LINC00237: variants seen among roughly 807,000 people sequenced by gnomAD.
LINC00237 encodes the protein long intergenic non-protein coding RNA 237.
chr20:21,104,563 G>C (rs2030973359), intron 1 of LINC00237, among the ~76,000 whole-genome samples: 1 of 152,244 alleles, frequency 6.6e-6, no homozygotes, highest in Non-Finnish European at 1.5e-5. Flanking sequence ...AACCAGGTCT[G>C]CAGCCGCTGG....
intron 2 of LINC00237, among the ~76,000 whole-genome samples, chr20:21,092,548 T>C (rs1325882420): frequency 1.3e-5 from 2 of 152,224 alleles, no homozygotes; most frequent in Non-Finnish European, 2.9e-5. Context: ...ATCTGTTATT[T>C]CAATGATTAA....
chr20:21,086,812 AGTATACATATAT>A (rs2030714356), intron 3 of LINC00237, among the ~76,000 whole-genome samples: 1 of 124,686 alleles, frequency 8.0e-6, no homozygotes, highest in African/African-American at 3.2e-5. Context: ...ATATATGTAT[AGTATACATATAT>A]AGTGTATACT....
intron 3 of LINC00237, among the ~76,000 whole-genome samples, chr20:21,086,681 C>CTATATATAGTATACTA (rs1568883469): frequency 0.052 from 267 of 5,160 alleles, 9 homozygotes; most frequent in African/African-American, 0.066. Context: ...ATATAGTATA[C>CTATATATAGTATACTA]TACATATACA....
rs1448298000 is a variant in LINC00237, at chr20:21,101,794, C to T, written n.88+4477G>A. Among the ~76,000 whole-genome samples the T allele has an allele frequency of 6.6e-6, 1 of 152,216 alleles. No individual in the cohort carries two copies. The highest frequency in any genetic ancestry group is 1.5e-5 in the Non-Finnish European group (1 of 68,054). ...AAGAAAGGTTTCCTCGGCTGCGCCA[C>T]CGTGGGGATGGAGGTGGGAGTTGGA... On this transcript the variant is annotated intron_variant and non_coding_transcript_variant, in intron 1 of 3. Coordinates refer to ENST00000691244, the Ensembl canonical transcript of LINC00237. This position sits in a 1 kb window ranked among gnomAD's most constrained non-coding sequence, Gnocchi z 4.3.
intron 1 of LINC00237, among the ~76,000 whole-genome samples, chr20:21,098,887 C>T (rs189012924): frequency 6.6e-6 from 1 of 152,360 alleles, no homozygotes; most frequent in East Asian, 1.9e-4. Flanking sequence ...TCCCGAGTCT[C>T]ATTCAAGATC....
intron 2 of LINC00237, chr20:21,092,688 T>A (rs2030808382): frequency 6.6e-6 from 1 of 152,210 alleles, no homozygotes; most frequent in South Asian, 2.1e-4. Context: ...CTTCCCGATC[T>A]TTAGGAGTTG....
intron 2 of LINC00237, chr20:21,089,831 G>C (rs1315247857): frequency 1.3e-5 from 2 of 152,210 alleles, no homozygotes; most frequent in African/African-American, 4.8e-5. Flanking sequence ...AAGGCGTCTA[G>C]ATTTGGGCTT....
intron 1 of LINC00237, among the ~76,000 whole-genome samples, chr20:21,096,688 G>T (rs1421859646): frequency 1.3e-5 from 2 of 152,088 alleles, no homozygotes; most frequent in East Asian, 3.8e-4. Flanking sequence ...ACTGCAACAG[G>T]GCTCAAATGT....
Position 21,091,734 on chromosome 20 carries a change from G to A in LINC00237, n.472+1735C>T, listed in dbSNP as rs16982462. Reference sequence around the variant, plus strand: ...CTCTTTAATGAGTTTTCCGCAGCAGGATGTAGAGACACAGATGCCAAGAAA... The same window carrying A: ...CTCTTTAATGAGTTTTCCGCAGCAGAATGTAGAGACACAGATGCCAAGAAA... On this transcript the variant is annotated intron_variant and non_coding_transcript_variant, in intron 2 of 3. Coordinates refer to ENST00000691244, the Ensembl canonical transcript of LINC00237. Among the ~76,000 whole-genome samples the A allele has an allele frequency of 9.4e-3, 1,437 of 152,250 alleles. 19 individuals are homozygous for A. Among genetic ancestry groups the A allele is most frequent in the African/African-American group, 0.033 (1,386 of 41,534 alleles).
At chr20:21,102,455 T>C (rs904322956) in intron 1 of LINC00237, among the ~76,000 whole-genome samples, 7 of 152,098 alleles carry the variant, frequency 4.6e-5, no homozygotes, top group Non-Finnish European at 7.4e-5. Flanking sequence ...TCAGACTAAC[T>C]CGCTCCAGGT....
rs964579040 is a variant in LINC00237 at position 21,101,737 on chromosome 20, G to T, written n.88+4534C>A. Among the ~76,000 whole-genome samples, 27 of 152,276 alleles carry T rather than the reference G, an allele frequency of 1.8e-4. No homozygotes were observed. Among genetic ancestry groups the T allele is most frequent in the Non-Finnish European group, 4.4e-5 (3 of 68,056 alleles). On this transcript the variant is annotated intron_variant and non_coding_transcript_variant, in intron 1 of 3. Coordinates refer to ENST00000691244, the Ensembl canonical transcript of LINC00237. This position sits in a 1 kb window ranked among gnomAD's most constrained non-coding sequence, Gnocchi z 4.3. ...GCCTGCCTCCTGGAAAAGCTGTCAC[G>T]ATTGGGCTTGGGCTTGGGCTTGGCC... is the stretch of plus-strand genomic sequence containing the variant.
At chr20:21,100,482 G>C (rs2030916312) in intron 1 of LINC00237, among the ~76,000 whole-genome samples, 1 of 152,242 alleles carries the variant, frequency 6.6e-6, no homozygotes, top group African/African-American at 2.4e-5. Context: ...GCGCCTCTGC[G>C]CAACTTTCCT....
intron 1 of LINC00237, among the ~76,000 whole-genome samples, chr20:21,102,270 T>C (rs1288842428): frequency 6.6e-6 from 1 of 152,170 alleles, no homozygotes; most frequent in African/African-American, 2.4e-5. Context: ...ACCGACTCCT[T>C]ACCCAGAAAA....
intron 1 of LINC00237, among the ~76,000 whole-genome samples, chr20:21,102,696 G>C (rs373513205): frequency 1.5e-5 from 2 of 130,874 alleles, no homozygotes; most frequent in Non-Finnish European, 3.3e-5. Context: ...TATTTTATAA[G>C]AAAAAAAAAA....
At chr20:21,089,260 C>T (rs1294400714) in intron 2 of LINC00237, among the ~76,000 whole-genome samples, 1 of 151,444 alleles carries the variant, frequency 6.6e-6, no homozygotes, top group Non-Finnish European at 1.5e-5. Flanking sequence ...CAGTGTTGAT[C>T]CTTTGCAAGA....
chr20:21,095,881 A>C (rs1165360164), intron 1 of LINC00237, among the ~76,000 whole-genome samples: 1 of 152,258 alleles, frequency 6.6e-6, no homozygotes, highest in Non-Finnish European at 1.5e-5. Flanking sequence ...TAATGCCAGC[A>C]GAGTAGCCCT....
chr20:21,104,005 C>G (rs2030966599), intron 1 of LINC00237, among the ~76,000 whole-genome samples: 1 of 151,862 alleles, frequency 6.6e-6, no homozygotes, highest in South Asian at 2.1e-4. Flanking sequence ...CTCCCCACCT[C>G]CATGTCATTA....
chr20:21,098,777 G>A (rs866424681), intron 1 of LINC00237, among the ~76,000 whole-genome samples: 1 of 152,200 alleles, frequency 6.6e-6, no homozygotes, highest in Admixed American at 6.5e-5. Flanking sequence ...GATCCTCCTC[G>A]AACATCCTAT....
rs2030924518 is a variant in LINC00237 at position 21,101,044 on chromosome 20, C to G, written n.88+5227G>C. Among the ~76,000 whole-genome samples the G allele has an allele frequency of 7.1e-6, 1 of 140,164 alleles. No homozygotes were observed. Among genetic ancestry groups the G allele is most frequent in the African/African-American group, 2.7e-5 (1 of 37,418 alleles). 92.0% of individuals were successfully genotyped at this position (140,164 alleles called of 152,430 possible). On this transcript the variant is annotated intron_variant and non_coding_transcript_variant, in intron 1 of 3. Transcript: ENST00000691244. This position sits in a 1 kb window ranked among gnomAD's most constrained non-coding sequence, Gnocchi z 4.3. ...GCAAACAAGGAGATTTATCCCGCGA[C>G]AAACAGCCCCACCGAGAGCCGCTGA...
Sources: allele counts gnomAD v4.1 joint callset (sites outside exome capture counted in the v4.1 genomes callset), GRCh38; gene constraint gnomAD v4.1.1; non-coding constraint Gnocchi (gnomAD v3.1); transcripts MANE v1.5; gene names NCBI Gene and HGNC (gene_info 2026-07-23, HGNC 2026-07-21).